Variants in CDH12 observed in about 807,000 individuals in gnomAD.
The protein encoded by CDH12 is cadherin 12, also known as cadherin-12.
Under a neutral mutation model 74.1 loss-of-function variants are expected in CDH12, and 41 were observed. That is an observed-to-expected ratio of 0.55 (90% CI 0.43 to 0.72). The LOEUF (loss-of-function observed/expected upper bound fraction) is 0.72, where lower values mean the gene tolerates loss of function less well. Ranked by LOEUF, CDH12 falls within the 30% of genes least tolerant of loss-of-function variation. The pLI is 0.00. For missense variants in CDH12, 945 were observed against 977.2 expected (o/e 0.97, Z 0.44); for synonymous variants, 399 against 355.0 (o/e 1.12, Z -1.39).
intron 2 of CDH12, among the ~76,000 whole-genome samples, chr5:22,408,912 T>C (rs1347964846): frequency 6.6e-6 from 1 of 152,004 alleles, no homozygotes; most frequent in African/African-American, 2.4e-5. Flanking sequence ...AGATAATTAA[T>C]GCTTTCTGAA....
At chr5:22,532,810 G>A (rs901615243) in intron 1 of CDH12, among the ~76,000 whole-genome samples, 1 of 151,884 alleles carries the variant, frequency 6.6e-6, no homozygotes, top group African/African-American at 2.4e-5. Flanking sequence ...TGTTTATACT[G>A]ATTGTGATTT....
intron 1 of CDH12, among the ~76,000 whole-genome samples, chr5:22,827,093 CCA>C (rs1736376377): frequency 6.6e-6 from 1 of 152,146 alleles, no homozygotes; most frequent in African/African-American, 2.4e-5. Flanking sequence ...TGGGCTGGGC[CCA>C]GAGTCTCCCT....
chr5:22,820,002 TAC>T, intron 1 of CDH12, among the ~76,000 whole-genome samples: 1 of 147,308 alleles, frequency 6.8e-6, no homozygotes, highest in Non-Finnish European at 1.5e-5. Context: ...TACATATATA[TAC>T]ATATACATAT....
chr5:22,596,077 C>T (rs1021097464), intron 1 of CDH12, among the ~76,000 whole-genome samples: 2 of 150,916 alleles, frequency 1.3e-5, no homozygotes, highest in Non-Finnish European at 3.0e-5. Flanking sequence ...CACTGCACTC[C>T]AGCCTGGGCG....
chr5:22,748,546 G>A (rs1191698857), intron 1 of CDH12, among the ~76,000 whole-genome samples: 1 of 152,122 alleles, frequency 6.6e-6, no homozygotes, highest in African/African-American at 2.4e-5. Flanking sequence ...TCTGGGCCCT[G>A]TTTCCAGAAG....
intron 3 of CDH12, among the ~76,000 whole-genome samples, chr5:22,306,178 T>C (rs541301587): frequency 2.0e-5 from 3 of 152,228 alleles, no homozygotes; most frequent in Non-Finnish European, 4.4e-5. Context: ...AGTTGCAATT[T>C]ATACTGTTCT....
chr5:22,036,516 C>G (rs560603629), intron 5 of CDH12, among the ~76,000 whole-genome samples: 91 of 152,150 alleles, frequency 6.0e-4, no homozygotes, highest in African/African-American at 2.1e-3. Flanking sequence ...AGATGGAAAT[C>G]TGTCATTGGG....
At chr5:22,530,627 TA>T (rs1419394127) in intron 1 of CDH12, among the ~76,000 whole-genome samples, 1 of 152,056 alleles carries the variant, frequency 6.6e-6, no homozygotes, top group Non-Finnish European at 1.5e-5. Context: ...TAAATCATCT[TA>T]AAACTAACAT....
chr5:21,888,550 C>A (rs956346214), intron 6 of CDH12, among the ~76,000 whole-genome samples: 1 of 151,914 alleles, frequency 6.6e-6, no homozygotes, highest in African/African-American at 2.4e-5. Context: ...TGTAACAAAC[C>A]TGCATGTTGT....
At chr5:22,545,886 G>A (rs1275409513) in intron 1 of CDH12, among the ~76,000 whole-genome samples, 1 of 152,058 alleles carries the variant, frequency 6.6e-6, no homozygotes. Flanking sequence ...CTTTAAGTAT[G>A]TTTGAGTTAT....
chr5:22,824,754 C>T (rs901901323), intron 1 of CDH12, among the ~76,000 whole-genome samples: 6 of 151,584 alleles, frequency 4.0e-5, no homozygotes, highest in African/African-American at 9.7e-5. Flanking sequence ...GAAAAAAATT[C>T]AAATATGTCA....
At chr5:22,204,198 A>T (rs1336809186) in intron 4 of CDH12, among the ~76,000 whole-genome samples, 1 of 141,992 alleles carries the variant, frequency 7.0e-6, no homozygotes, top group Admixed American at 7.6e-5. Flanking sequence ...TTTGAGACGG[A>T]GTCTCCCTCT....
chr5:22,685,966 G>A (rs538194215), intron 1 of CDH12, among the ~76,000 whole-genome samples: 72 of 152,208 alleles, frequency 4.7e-4, no homozygotes, highest in Admixed American at 3.2e-3. Context: ...TTGAAGAACC[G>A]CTAAACTACT....
intron 8 of CDH12, among the ~76,000 whole-genome samples, chr5:21,834,384 A>G (rs1749415493): frequency 6.6e-6 from 1 of 151,858 alleles, no homozygotes; most frequent in Non-Finnish European, 1.5e-5. Flanking sequence ...GTATCTAAAT[A>G]ATCTAGATTA....
intron 5 of CDH12, among the ~76,000 whole-genome samples, chr5:22,065,399 C>T (rs1403957782): frequency 6.6e-6 from 1 of 152,128 alleles, no homozygotes; most frequent in Admixed American, 6.6e-5. Flanking sequence ...GCTCAATAAG[C>T]AGAGACTCTG....
chr5:22,375,161 A>T (rs1281144427), intron 3 of CDH12, among the ~76,000 whole-genome samples: 1 of 152,082 alleles, frequency 6.6e-6, no homozygotes, highest in African/African-American at 2.4e-5. Context: ...TTTACGTCCA[A>T]CTGATTTTTG....
intron 5 of CDH12, among the ~76,000 whole-genome samples, chr5:22,025,706 A>G (rs895705540): frequency 1.3e-5 from 2 of 152,166 alleles, no homozygotes; most frequent in Admixed American, 1.3e-4. Flanking sequence ...ACTCCTTTCA[A>G]AATTGGAGTC....
chr5:21,926,409 G>A (rs7378532), intron 6 of CDH12, among the ~76,000 whole-genome samples: 110,192 of 152,144 alleles, frequency 0.72, 43,479 homozygotes, highest in East Asian at 0.93. Context: ...TAGAACCAGT[G>A]AATATCTTAA....
Position 22,286,571 on chromosome 5 carries a change from A to G in CDH12, c.-332-73928T>C, listed in dbSNP as rs147352078. 4.1e-3 allele frequency among the ~76,000 whole-genome samples: 617 copies of G among 152,336 alleles called. 9 individuals are homozygous for G. The highest frequency in any genetic ancestry group is 0.014 in the African/African-American group (586 of 41,582). Reference sequence around the variant, plus strand: ...TGTGTGTGAAATACAACACAATGTGAACCAGAATGTCAAGAATGATGAATA... The same window carrying G: ...TGTGTGTGAAATACAACACAATGTGGACCAGAATGTCAAGAATGATGAATA... On this transcript the variant is annotated intron_variant, in intron 3 of 14. Transcript: ENST00000382254.
Sources: gnomAD v4.1 joint callset for allele counts (sites outside exome capture counted in the v4.1 genomes callset) on GRCh38, gnomAD v4.1.1 for gene constraint, MANE v1.5 for transcripts, NCBI Gene and HGNC (gene_info 2026-07-23, HGNC 2026-07-21) for gene names.